Variants in DLC1 observed in about 807,000 individuals in gnomAD.
DLC1 encodes the protein rho GTPase-activating protein 7.
A neutral mutation model predicts 140.3 loss-of-function variants in DLC1; 54 were observed. That is an observed-to-expected ratio of 0.38 (90% CI 0.31 to 0.48). DLC1 has a LOEUF of 0.48. Ranked by LOEUF, DLC1 falls within the 20% of genes least tolerant of loss-of-function variation. The pLI is 0.96. For synonymous variants in DLC1, 986 were observed against 728.1 expected (o/e 1.35, Z -5.70); for missense variants, 2,536 against 1,907.0 (o/e 1.33, Z -6.14).
intron 5 of DLC1, among the ~76,000 whole-genome samples, chr8:13,189,910 G>T (rs1340481753): frequency 8.6e-5 from 13 of 151,804 alleles, no homozygotes; most frequent in Admixed American, 8.5e-4. Flanking sequence ...CTGCACTCTT[G>T]GCCCTGGCTT....
intron 4 of DLC1, among the ~76,000 whole-genome samples, chr8:13,364,368 AG>A (rs1354312546): frequency 6.7e-6 from 1 of 149,354 alleles, no homozygotes; most frequent in East Asian, 2.0e-4. Context: ...GCATGATCTT[AG>A]CTCACTACAA....
intron 4 of DLC1, 39 bp downstream of exon 4, chr8:13,393,514 T>C (rs1216844741): frequency 6.3e-7 from 1 of 1,585,928 alleles, no homozygotes; most frequent in Non-Finnish European, 8.6e-7. Flanking sequence ...ATCATCAACA[T>C]TTACACGTAG....
intron 2 of DLC1, among the ~76,000 whole-genome samples, chr8:13,475,813 T>A (rs1187079782): frequency 6.6e-6 from 1 of 152,192 alleles, no homozygotes; most frequent in Non-Finnish European, 1.5e-5. Context: ...GAACTTGTGA[T>A]GGGAAGGAGA....
At chr8:13,096,814 T>G (rs1818534928) in intron 10 of DLC1, among the ~76,000 whole-genome samples, 3 of 152,260 alleles carry the variant, frequency 2.0e-5, no homozygotes, top group Middle Eastern at 3.4e-3. Context: ...TGCTACAGAG[T>G]GCTACTAATG....
chr8:13,427,328 C>T lies in DLC1; in HGVS notation c.1024-25709G>A, dbSNP rs145953138. Among the ~76,000 whole-genome samples the T allele has an allele frequency of 3.1e-3, 468 of 152,292 alleles. 1 individual carries two copies. The highest frequency in any genetic ancestry group is 0.011 in the African/African-American group (456 of 41,556). On this transcript the variant is annotated intron_variant, in intron 2 of 17. Coordinates refer to ENST00000276297, the MANE Select transcript of DLC1 (RefSeq NM_182643.3). ...CGACACTGGCTCATTCTGTTCTGTC[C>T]TCCTGGATGTCTCCAGGACAGCAGC...
At chr8:13,298,285 A>G (rs1161263492) in intron 5 of DLC1, among the ~76,000 whole-genome samples, 1 of 152,178 alleles carries the variant, frequency 6.6e-6, no homozygotes, top group Non-Finnish European at 1.5e-5. Flanking sequence ...ATCTTCTTCA[A>G]TGGCCCCCTT....
intron 5 of DLC1, among the ~76,000 whole-genome samples, chr8:13,127,643 G>T (rs918773715): frequency 8.5e-5 from 13 of 152,228 alleles, no homozygotes; most frequent in Non-Finnish European, 1.8e-4. Flanking sequence ...CCGTGCATGG[G>T]CCACAGGCCA....
chr8:13,243,837 C>G (rs541785621), intron 5 of DLC1, among the ~76,000 whole-genome samples: 4 of 152,178 alleles, frequency 2.6e-5, no homozygotes, highest in Non-Finnish European at 5.9e-5. Context: ...CAATCTCATT[C>G]TCTTCCTATT....
intron 4 of DLC1, among the ~76,000 whole-genome samples, chr8:13,314,521 T>C (rs1191420381): frequency 2.0e-5 from 3 of 152,074 alleles, no homozygotes; most frequent in Non-Finnish European, 2.9e-5. Context: ...CATTTACTCA[T>C]ATCCATCTTG....
At chr8:13,564,359 A>G (rs1422845801) in intron 1 of DLC1, among the ~76,000 whole-genome samples, 1 of 152,192 alleles carries the variant, frequency 6.6e-6, no homozygotes, top group Non-Finnish European at 1.5e-5. Context: ...TTACAGTGAG[A>G]TTCTTGTCAC....
intron 2 of DLC1, among the ~76,000 whole-genome samples, chr8:13,498,682 C>G (rs953896440): frequency 2.0e-5 from 3 of 151,962 alleles, no homozygotes; most frequent in Non-Finnish European, 2.9e-5. Context: ...TATAACAGTA[C>G]CATGACTTTC....
chr8:13,180,152 C>T (rs531045538), intron 5 of DLC1, among the ~76,000 whole-genome samples: 1 of 152,260 alleles, frequency 6.6e-6, no homozygotes, highest in African/African-American at 2.4e-5. Flanking sequence ...TCAAGGTTCC[C>T]ATCAAAGGAA....
intron 4 of DLC1, among the ~76,000 whole-genome samples, chr8:13,318,054 G>T (rs959190740): frequency 3.3e-5 from 5 of 151,978 alleles, no homozygotes; most frequent in African/African-American, 9.7e-5. Flanking sequence ...TAGAGACAGG[G>T]TCTTTTTGTG....
At chr8:13,139,915 T>G (rs1822849188) in intron 5 of DLC1, among the ~76,000 whole-genome samples, 1 of 152,350 alleles carries the variant, frequency 6.6e-6, no homozygotes, top group Admixed American at 6.5e-5. Flanking sequence ...AATATAAAAT[T>G]TACCATTTTA....
At chr8:13,335,174 G>T (rs955792632) in intron 4 of DLC1, among the ~76,000 whole-genome samples, 2 of 152,148 alleles carry the variant, frequency 1.3e-5, no homozygotes, top group Non-Finnish European at 2.9e-5. Context: ...CAGGAAGAAA[G>T]GATGGCTGGA....
intron 9 of DLC1, 134 bp from the exon 10 acceptor site, chr8:13,098,709 C>T (rs962827016): frequency 2.1e-5 from 20 of 931,280 alleles, no homozygotes; most frequent in East Asian, 1.1e-4. Context: ...TTGAACTCCT[C>T]AGCTCAAGTG....
intron 1 of DLC1, among the ~76,000 whole-genome samples, chr8:13,552,111 G>GTGTATATATATATATATATA (rs1279225632): frequency 1.3e-4 from 7 of 54,530 alleles, no homozygotes; most frequent in Non-Finnish European, 2.3e-4. Flanking sequence ...GTCTAGAGGT[G>GTGTATATATATATATATATA]TATATATATA....
chr8:13,601,651 AAAAAC>A (rs1168137624), intron 1 of DLC1, among the ~76,000 whole-genome samples: 1 of 151,724 alleles, frequency 6.6e-6, no homozygotes, highest in East Asian at 1.9e-4. Context: ...TAGACAAAAA[AAAAAC>A]AAAACAAAAC....
chr8:13,322,186 A>C (rs959783134), intron 4 of DLC1, among the ~76,000 whole-genome samples: 27 of 152,310 alleles, frequency 1.8e-4, no homozygotes, highest in African/African-American at 6.0e-4. Context: ...TTAATTTCTT[A>C]AAACATTTAT....
Sources: allele counts gnomAD v4.1 joint callset (sites outside exome capture counted in the v4.1 genomes callset), GRCh38; gene constraint gnomAD v4.1.1; transcripts MANE v1.5; gene names NCBI Gene and HGNC (gene_info 2026-07-23, HGNC 2026-07-21).